The following ADAMTS12 variants were observed in gnomAD, a reference collection of about 807,000 sequenced individuals.
The protein encoded by ADAMTS12 is ADAM metallopeptidase with thrombospondin type 1 motif 12.
Under a neutral mutation model 167.8 loss-of-function variants are expected in ADAMTS12, and 118 were observed. The observed-to-expected ratio is 0.70, with a 90% CI of 0.61 to 0.82. The LOEUF is 0.82. Ranked by LOEUF, ADAMTS12 falls within the 40% of genes least tolerant of loss-of-function variation. The pLI, the probability that ADAMTS12 is intolerant of heterozygous loss-of-function variation, is 0.00. For missense variants in ADAMTS12, 1,916 were observed against 1,998.8 expected, an observed-to-expected ratio of 0.96 and a Z score of 0.79; for synonymous variants, 704 against 716.9, an observed-to-expected ratio of 0.98 and a Z score of 0.29.
intron 3 of ADAMTS12, among the ~76,000 whole-genome samples, chr5:33,703,785 G>T (rs1035067756): frequency 1.3e-5 from 2 of 152,142 alleles, no homozygotes; most frequent in African/African-American, 4.8e-5. Context: ...AGGAGGTATT[G>T]GTTTGGGCTG....
intron 2 of ADAMTS12, among the ~76,000 whole-genome samples, chr5:33,770,820 C>A (rs553771856): frequency 6.6e-6 from 1 of 150,764 alleles, no homozygotes; most frequent in East Asian, 2.0e-4. Context: ...CTTCTCCTTC[C>A]TCTTCTTCTT....
rs779437959 is a variant in ADAMTS12 at position 33,561,162 on chromosome 5, G to A, written c.3990C>T (p.Gly1330=). ...CCACCCTTCTCCAGTAGGCCCCCAGGCCACATGTGGTGGAGCACTGTAGCA... is the reference window on the plus strand; with the variant it reads ...CCACCCTTCTCCAGTAGGCCCCCAGACCACATGTGGTGGAGCACTGTAGCA... ...GNWSECSTTC[G]LGAYWRRVEC... is the part of the protein sequence containing the mutation. The change falls in exon 20 of 24, where the codon GGC becomes GGT. Residue 1330 remains glycine, a synonymous_variant. Coordinates refer to ENST00000504830, the MANE Select transcript of ADAMTS12 (RefSeq NM_030955.4). The A allele has an allele frequency of 1.5e-5, 25 of 1,613,858 alleles. No individual in the cohort carries two copies. The highest frequency in any genetic ancestry group is 2.1e-5 in the Non-Finnish European group (25 of 1,179,994).
chr5:33,728,947 T>TATGCATATATGTGTATATAAATGCAC (rs1245430850), intron 3 of ADAMTS12, among the ~76,000 whole-genome samples: 1 of 152,242 alleles, frequency 6.6e-6, no homozygotes, highest in Non-Finnish European at 1.5e-5. Flanking sequence ...TGATATATCA[T>TATGCATATATGTGTATATAAATGCAC]ATGCATATAT....
rs548617142 is a variant in ADAMTS12, at chr5:33,688,836, C to T, written c.635-4781G>A. Among the ~76,000 whole-genome samples the T allele has an allele frequency of 5.4e-4, 82 of 152,302 alleles. 1 individual carries two copies. In the South Asian group the frequency reaches 0.017, roughly 31 times the overall value. ...CTTCCCTCATCTGGATTCTCTTCTACACCCTTATATCAGATTTCCAACAGA... is the reference window on the plus strand; with the variant it reads ...CTTCCCTCATCTGGATTCTCTTCTATACCCTTATATCAGATTTCCAACAGA... On this transcript the variant is annotated intron_variant, in intron 3 of 23. Transcript: ENST00000504830.
intron 7 of ADAMTS12, among the ~76,000 whole-genome samples, chr5:33,653,271 T>C (rs969886109): frequency 6.6e-5 from 10 of 152,262 alleles, no homozygotes; most frequent in Non-Finnish European, 1.5e-4. Flanking sequence ...AATATTAATA[T>C]AATCATGTGG....
intron 7 of ADAMTS12, among the ~76,000 whole-genome samples, chr5:33,654,435 T>C (rs1263418115): frequency 6.6e-6 from 1 of 152,194 alleles, no homozygotes; most frequent in Non-Finnish European, 1.5e-5. Context: ...CTGACACTAC[T>C]CTGGAGGGGA....
intron 3 of ADAMTS12, among the ~76,000 whole-genome samples, chr5:33,735,587 GC>G (rs1744342358): frequency 1.3e-5 from 2 of 152,098 alleles, no homozygotes; most frequent in Non-Finnish European, 2.9e-5. Flanking sequence ...TAGTTGCCTG[GC>G]CCCTCATCTA....
chr5:33,769,179 A>C (rs769353167), intron 2 of ADAMTS12, among the ~76,000 whole-genome samples: 1 of 152,122 alleles, frequency 6.6e-6, no homozygotes, highest in Admixed American at 6.5e-5. Context: ...CTAACTCCCA[A>C]GAGTGTCACC....
At chr5:33,833,693 A>C (rs1748396046) in intron 2 of ADAMTS12, among the ~76,000 whole-genome samples, 1 of 152,200 alleles carries the variant, frequency 6.6e-6, no homozygotes, top group Non-Finnish European at 1.5e-5. Flanking sequence ...TCTCTCAAAA[A>C]CCGTCCAAGC....
chr5:33,883,316 G>GTTTTTTTTTTGT (rs1750517458), intron 1 of ADAMTS12, among the ~76,000 whole-genome samples: 3 of 125,758 alleles, frequency 2.4e-5, no homozygotes, highest in African/African-American at 6.1e-5. Flanking sequence ...TGTTTGTTTG[G>GTTTTTTTTTTGT]TTTTTTTTTT....
chr5:33,824,871 C>G (rs935216934), intron 2 of ADAMTS12, among the ~76,000 whole-genome samples: 1 of 152,126 alleles, frequency 6.6e-6, no homozygotes, highest in Non-Finnish European at 1.5e-5. Flanking sequence ...TCAGCTCATA[C>G]TTTGATAGCT....
chr5:33,742,233 T>C (rs1744614477), intron 3 of ADAMTS12, among the ~76,000 whole-genome samples: 1 of 151,866 alleles, frequency 6.6e-6, no homozygotes, highest in South Asian at 2.1e-4. Flanking sequence ...AGGGGATTCA[T>C]TAATCTGCCT....
intron 5 of ADAMTS12, among the ~76,000 whole-genome samples, chr5:33,665,396 C>T (rs879876374): frequency 1.2e-4 from 18 of 152,090 alleles, no homozygotes; most frequent in Non-Finnish European, 2.1e-4. Flanking sequence ...TAAGTAGTCT[C>T]ATTACAAAAA....
chr5:33,635,501 A>G (rs748729428), intron 12 of ADAMTS12, among the ~76,000 whole-genome samples: 1 of 152,168 alleles, frequency 6.6e-6, no homozygotes, highest in Non-Finnish European at 1.5e-5. Flanking sequence ...CTATTAGCTT[A>G]TCTCTAAAAA....
intron 3 of ADAMTS12, among the ~76,000 whole-genome samples, chr5:33,723,721 A>G (rs531826915): frequency 6.6e-6 from 1 of 152,238 alleles, no homozygotes; most frequent in East Asian, 1.9e-4. Context: ...TACTCCCCAA[A>G]TGTTTCATGT....
rs143904698 is a variant in ADAMTS12, at chr5:33,643,444, G to A, written c.1506C>T (p.Ser502=). ...GCTTAGAGCGACAAAAGCCCTTCAC[G>A]GAGCACCACAGTGTCTGGCAGACGT... ...VENVCQTLWC[S]VKGFCRSKLD... The change falls in exon 10 of 24, where the codon TCC becomes TCT. Residue 502 remains serine (S), a synonymous_variant. Coordinates refer to ENST00000504830, the MANE Select transcript of ADAMTS12 (RefSeq NM_030955.4). 2.4e-5 allele frequency: 38 copies of A among 1,613,940 alleles called. No homozygotes were observed. Among genetic ancestry groups the A allele is most frequent in the Non-Finnish European group, 2.9e-5 (34 of 1,179,968 alleles).
In ADAMTS12 at chr5:33,658,442, C is replaced by T. The variant is rs568893706; in HGVS notation, c.1041-109G>A. ...CATTCAATATGGTCTGTAAAGTATG[C>T]TTGGCATTTTTTAAAAAGTCTACAT... On this transcript the variant is annotated intron_variant, in intron 6 of 23. Transcript: ENST00000504830. The T allele has an allele frequency of 1.8e-5, 24 of 1,304,918 alleles. No homozygotes were observed. In the South Asian group the frequency reaches 3.9e-4, roughly 21 times the overall value. 80.8% of individuals were successfully genotyped at this position (1,304,918 alleles called of 1,614,324 possible).
At chr5:33,643,344 C>T in intron 10 of ADAMTS12, 34 bp downstream of exon 10, 4 of 1,609,714 alleles carry the variant, frequency 2.5e-6, no homozygotes, top group Non-Finnish European at 3.4e-6. Flanking sequence ...CTGCCCACCG[C>T]CCTCCCACCT....
intron 19 of ADAMTS12, among the ~76,000 whole-genome samples, chr5:33,574,047 A>G (rs1231449277): frequency 6.6e-6 from 1 of 152,192 alleles, no homozygotes; most frequent in Admixed American, 6.5e-5. Flanking sequence ...CCACAATGAG[A>G]TACCATCTCA....
Sources: allele counts gnomAD v4.1 joint callset (sites outside exome capture counted in the v4.1 genomes callset), GRCh38; gene constraint gnomAD v4.1.1; transcripts MANE v1.5; gene names NCBI Gene and HGNC (gene_info 2026-07-23, HGNC 2026-07-21).